XDH: variants seen among roughly 807,000 people sequenced by gnomAD.
The protein encoded by XDH is xanthine dehydrogenase/oxidase.
In XDH, 138 loss-of-function variants were observed where a neutral mutation model predicts 156.1. The observed-to-expected ratio is 0.88, with a 90% CI of 0.77 to 1.02. XDH has a LOEUF of 1.02. XDH is among the 50% of genes least tolerant of loss of function. The pLI is 0.00. For synonymous variants in XDH, 669 were observed against 625.7 expected (o/e 1.07, Z -1.03); for missense variants, 1,849 against 1,684.9 (o/e 1.10, Z -1.71).
Position 31,386,333 on chromosome 2 carries a change from G to A in XDH, c.793+81C>T, listed in dbSNP as rs1040648369. ...AGGGTGCAGAGGCAAGTAAAGTCAG[G>A]GGGAGGTGAGGATGGGCAAGAGGAC... is the stretch of plus-strand genomic sequence containing the variant. On this transcript the variant is annotated intron_variant, in intron 9 of 35. Transcript: ENST00000379416. 14 of 1,582,502 alleles carry A rather than the reference G, an allele frequency of 8.8e-6. No homozygotes were observed. The African/African-American group carries it at 1.3e-4, about 15-fold the overall frequency.
At chr2:31,366,741 C>A in intron 21 of XDH, 129 bp downstream of exon 21, 3 of 1,443,972 alleles carry the variant, frequency 2.1e-6, no homozygotes, top group Non-Finnish European at 2.9e-6. Context: ...GGCTCCAGGA[C>A]TATGACACTC....
intron 24 of XDH, 100 bp from the exon 25 acceptor site, chr2:31,350,323 C>A (rs927073871): frequency 8.3e-7 from 1 of 1,198,686 alleles, no homozygotes; most frequent in African/African-American, 1.5e-5. Flanking sequence ...CTGCCTTTCC[C>A]CTCTGCACCC....
At chr2:31,372,141 G>A in intron 17 of XDH, 87 bp downstream of exon 17, 1 of 1,600,948 alleles carries the variant, frequency 6.2e-7, no homozygotes, top group Non-Finnish European at 8.6e-7. Context: ...GCATCTCCAT[G>A]GCCTAGCAGG....
intron 35 of XDH, among the ~76,000 whole-genome samples, chr2:31,336,720 T>C (rs769406446): frequency 2.0e-5 from 3 of 150,120 alleles, no homozygotes; most frequent in Non-Finnish European, 4.4e-5. Flanking sequence ...CTGCGGATGG[T>C]GGATTTGTCT....
intron 2 of XDH, among the ~76,000 whole-genome samples, chr2:31,403,511 C>A (rs1358506982): frequency 6.6e-6 from 1 of 152,164 alleles, no homozygotes; most frequent in Non-Finnish European, 1.5e-5. Flanking sequence ...CGGGGCAGTT[C>A]TCACATCACT....
chr2:31,385,648 A>G (rs1686568542), intron 9 of XDH, among the ~76,000 whole-genome samples: 1 of 152,202 alleles, frequency 6.6e-6, no homozygotes, highest in Non-Finnish European at 1.5e-5. Flanking sequence ...AAATCGACAG[A>G]GATTAGCAGG....
chr2:31,349,247 T>C (rs755400032), intron 26 of XDH, among the ~76,000 whole-genome samples: 3 of 152,210 alleles, frequency 2.0e-5, no homozygotes, highest in Non-Finnish European at 2.9e-5. Context: ...AAGCCTTCTC[T>C]GTGCTTTATA....
chr2:31,371,217 A>G (rs1160722658), intron 17 of XDH, among the ~76,000 whole-genome samples: 25 of 152,242 alleles, frequency 1.6e-4, no homozygotes. Context: ...ATGGGGAAAT[A>G]GGGCAACACA....
intron 4 of XDH, 60 bp from the exon 5 acceptor site, chr2:31,398,759 G>A: frequency 6.2e-7 from 1 of 1,607,304 alleles, no homozygotes; most frequent in Non-Finnish European, 8.5e-7. Context: ...GCTCCCCAAA[G>A]GACTCGACTG....
intron 6 of XDH, among the ~76,000 whole-genome samples, chr2:31,391,003 T>C (rs1686746290): frequency 6.6e-6 from 1 of 152,228 alleles, no homozygotes; most frequent in African/African-American, 2.4e-5. Context: ...CTTATAATTA[T>C]TTCTTTTATG....
intron 27 of XDH, 110 bp from the exon 28 acceptor site, chr2:31,348,473 T>C: frequency 9.6e-7 from 1 of 1,041,882 alleles, no homozygotes; most frequent in Non-Finnish European, 1.5e-6. Context: ...GCATTTTGGA[T>C]GTAAACCTCA....
chr2:31,365,044 C>A (rs992637559), intron 23 of XDH, among the ~76,000 whole-genome samples: 3 of 152,214 alleles, frequency 2.0e-5, no homozygotes, highest in African/African-American at 7.2e-5. Context: ...CCCATCCTAA[C>A]ATCTTGGGCC....
intron 24 of XDH, among the ~76,000 whole-genome samples, chr2:31,360,263 T>G (rs1685742288): frequency 6.6e-6 from 1 of 152,216 alleles, no homozygotes; most frequent in African/African-American, 2.4e-5. Context: ...TTTGGGAGGA[T>G]GAGGCGGGTG....
intron 13 of XDH, among the ~76,000 whole-genome samples, chr2:31,378,175 G>GAAGGAAGC (rs1686325599): frequency 1.7e-4 from 12 of 71,606 alleles, no homozygotes; most frequent in African/African-American, 5.8e-4. Flanking sequence ...AGGAAGGAAG[G>GAAGGAAGC]AAGCAAGCAA....
intron 13 of XDH, among the ~76,000 whole-genome samples, chr2:31,379,388 A>G (rs1686369234): frequency 6.6e-6 from 1 of 152,120 alleles, no homozygotes; most frequent in Non-Finnish European, 1.5e-5. Context: ...TGAACCCCAC[A>G]TTCTTTACCA....
At chr2:31,394,384 A>G (rs1686848583) in intron 6 of XDH, among the ~76,000 whole-genome samples, 1 of 152,168 alleles carries the variant, frequency 6.6e-6, no homozygotes, top group African/African-American at 2.4e-5. Context: ...AAAGTCAGAT[A>G]TAATTTTATA....
In XDH at chr2:31,375,418, T is replaced by C. The variant is rs759382955; in HGVS notation, c.1564A>G (p.Thr522Ala). Residue 522 changes from threonine (T) to alanine (A), a missense_variant, in exon 15 of 36, where the codon ACA (threonine) becomes GCA (alanine). Coordinates refer to ENST00000379416, the MANE Select transcript of XDH (RefSeq NM_000379.4). ...TCTTGGCCCAGCTTCTGAAGGACTG[T>C]CAGGTAGAACTTGAAGAAGAAGCTG... ...TLSFFFKFYL[T>A]VLQKLGQENL... The C allele has an allele frequency of 4.3e-6, 7 of 1,614,188 alleles. No individual in the cohort carries two copies. The highest frequency in any genetic ancestry group is 4.5e-5 in the East Asian group (2 of 44,888).
intron 5 of XDH, 149 bp from the exon 6 acceptor site, chr2:31,397,878 T>C: frequency 2.4e-6 from 2 of 830,494 alleles, no homozygotes; most frequent in Non-Finnish European, 3.9e-6. Context: ...GGCCTTCTCA[T>C]ATCCTGACTT....
intron 4 of XDH, 28 bp from the exon 5 acceptor site, chr2:31,398,727 T>C: frequency 2.5e-6 from 4 of 1,612,504 alleles, no homozygotes; most frequent in South Asian, 2.2e-5. Flanking sequence ...CATAGACACC[T>C]GGGATGGCAG....
Sources: gnomAD v4.1 joint callset for allele counts (sites outside exome capture counted in the v4.1 genomes callset) on GRCh38, gnomAD v4.1.1 for gene constraint, MANE v1.5 for transcripts, NCBI Gene and HGNC (gene_info 2026-07-23, HGNC 2026-07-21) for gene names.